SLC9A1: variants seen among roughly 807,000 people sequenced by gnomAD.
SLC9A1 encodes the protein sodium/hydrogen exchanger 1.
SLC9A1 carries 22 observed loss-of-function variants against 67.9 expected under a neutral mutation model. The observed-to-expected ratio is 0.32, with a 90% CI of 0.23 to 0.46. The LOEUF is 0.46. Ranked by LOEUF, SLC9A1 falls within the 20% of genes least tolerant of loss-of-function variation. The pLI is 1.00. For synonymous variants in SLC9A1, 421 were observed against 471.8 expected (o/e 0.89, Z 1.40); for missense variants, 686 against 1,094.8 (o/e 0.63, Z 5.27).
chr1:27,149,764 T>C (rs1423738943), intron 1 of SLC9A1, among the ~76,000 whole-genome samples: 1 of 152,198 alleles, frequency 6.6e-6, no homozygotes, highest in Non-Finnish European at 1.5e-5. Flanking sequence ...ACACAGGTAC[T>C]GAGAGGCAGC....
intron 1 of SLC9A1, among the ~76,000 whole-genome samples, chr1:27,136,555 C>T (rs953197667): frequency 6.6e-6 from 1 of 152,190 alleles, no homozygotes; most frequent in African/African-American, 2.4e-5. Flanking sequence ...ACTCAGCTCC[C>T]CCAGAAGCAC....
intron 1 of SLC9A1, among the ~76,000 whole-genome samples, chr1:27,144,834 C>T (rs2083474820): frequency 6.6e-6 from 1 of 152,032 alleles, no homozygotes; most frequent in Admixed American, 6.6e-5. Flanking sequence ...CATAGCAAAA[C>T]CCCGTCTCTA....
At chr1:27,131,439 CAAA>C (rs35954506) in intron 1 of SLC9A1, among the ~76,000 whole-genome samples, 3 of 27,490 alleles carry the variant, frequency 1.1e-4, no homozygotes, top group Non-Finnish European at 1.2e-4. Context: ...ACTAAAAATA[CAAA>C]AAAAAAAAAA....
chr1:27,147,828 C>T (rs999488348), intron 1 of SLC9A1, among the ~76,000 whole-genome samples: 8 of 151,892 alleles, frequency 5.3e-5, no homozygotes, highest in African/African-American at 1.7e-4. Context: ...AACCCCATCC[C>T]TACTAAAAAT....
rs1443144056 is a variant in SLC9A1, at chr1:27,113,978, T to C, written c.661A>G (p.Asn221Asp). The change falls in exon 2 of 12, where the codon AAC becomes GAC. Residue 221 changes from asparagine to aspartate, a missense_variant. By Grantham distance (23) the Asn-to-Asp change is conservative (BLOSUM62 1). Around this residue, in one of 7 missense-constraint regions of SLC9A1, gnomAD observed 49 missense variants for 73.1 expected, o/e 0.67. Coordinates refer to ENST00000263980, the MANE Select transcript of SLC9A1 (RefSeq NM_003047.5). ...AGCAGGTTGTCCAGGAGGCCGATGT[T>C]GTTGATCTGCTCACCGCCCACCAGG... The part of the protein sequence containing the change: ...VCLVGGEQIN[N>D]IGLLDNLLFG... The C allele has an allele frequency of 6.2e-7, 1 of 1,614,028 alleles. No individual in the cohort carries two copies. Among genetic ancestry groups the C allele is most frequent in the African/African-American group, 1.3e-5 (1 of 74,906 alleles).
In SLC9A1 at chr1:27,100,226, A is replaced by G; in HGVS notation, c.*81T>C. The stretch of plus-strand genomic sequence containing the variant: ...AGGGGCAGGGCCAATCCGGGTCAGG[A>G]AGGGCAAGGGGAGCCCCCAGCAGCC... On this transcript the variant is annotated 3_prime_UTR_variant, in exon 12 of 12. Transcript: ENST00000263980. This position sits in a 1 kb window ranked among gnomAD's most constrained non-coding sequence, Gnocchi z 5.6. 6 of 1,098,366 alleles carry G rather than the reference A, an allele frequency of 5.5e-6. No homozygotes were observed. Among genetic ancestry groups the G allele is most frequent in the Non-Finnish European group, 5.1e-6 (4 of 791,702 alleles). 68.0% of individuals were successfully genotyped at this position (1,098,366 alleles called of 1,614,324 possible).
chr1:27,128,103 C>G (rs373322594), intron 1 of SLC9A1, among the ~76,000 whole-genome samples: 164 of 152,332 alleles, frequency 1.1e-3, no homozygotes, highest in African/African-American at 3.5e-3. Flanking sequence ...CATCTGGGTA[C>G]AGAATAGCAT....
chr1:27,133,072 CT>C (rs869309425), intron 1 of SLC9A1, among the ~76,000 whole-genome samples: 240 of 145,322 alleles, frequency 1.7e-3, no homozygotes, highest in Admixed American at 1.7e-3. Context: ...TTTCCTGATT[CT>C]TTTTTTTTTT....
rs2083143798 is a variant in SLC9A1 at position 27,101,410 on chromosome 1, C to T, written c.2038-135G>A. The T allele has an allele frequency of 2.6e-5, 18 of 700,430 alleles. No homozygotes were observed. The highest frequency in any genetic ancestry group is 1.9e-4 in the South Asian group (11 of 59,022). 43.4% of individuals were successfully genotyped at this position (700,430 alleles called of 1,614,324 possible). ...TCCCCCTCCCTTGTGCCTGTGTGGG[C>T]ACCCGTACTGGCCCCTCAGGAGCTC... On this transcript the variant is annotated intron_variant, in intron 10 of 11. Transcript: ENST00000263980. The surrounding 1 kb of genome is among the most constrained non-coding windows in gnomAD (Gnocchi z 4.9).
chr1:27,100,713 C>A lies in SLC9A1; in HGVS notation c.2111-69G>T. 2.3e-6 allele frequency: 3 copies of A among 1,290,614 alleles called. No individual in the cohort carries two copies. The highest frequency in any genetic ancestry group is 3.2e-6 in the Non-Finnish European group (3 of 926,100). 79.9% of individuals were successfully genotyped at this position (1,290,614 alleles called of 1,614,324 possible). ...CCCGGCCCAGCACGTGCCACTCGGC[C>A]GCGTCAGTGCCTCCTTCAGGCCTTC... On this transcript the variant is annotated intron_variant, in intron 11 of 11. Coordinates refer to ENST00000263980, the MANE Select transcript of SLC9A1 (RefSeq NM_003047.5). The surrounding 1 kb of genome is among the most constrained non-coding windows in gnomAD (Gnocchi z 5.6).
chr1:27,105,727 GC>G, intron 5 of SLC9A1, 157 bp downstream of exon 5: 1 of 725,748 alleles, frequency 1.4e-6, no homozygotes, highest in Non-Finnish European at 2.5e-6. Context: ...AGAAACTGAG[GC>G]CCAGAAAGGG....
rs1317701955 is a variant in SLC9A1, at chr1:27,114,885, G to A, written c.353-599C>T. On this transcript the variant is annotated intron_variant, in intron 1 of 11. Coordinates refer to ENST00000263980, the MANE Select transcript of SLC9A1 (RefSeq NM_003047.5). The surrounding 1 kb of genome is among the most constrained non-coding windows in gnomAD (Gnocchi z 5.4). Reference sequence around the variant, plus strand: ...TGGGAAGGAACTTGGGGATAATAAGGCCTGGGGTCTGCAAACCTGCAAAAC... The same window carrying A: ...TGGGAAGGAACTTGGGGATAATAAGACCTGGGGTCTGCAAACCTGCAAAAC... Among the ~76,000 whole-genome samples the A allele has an allele frequency of 6.6e-6, 1 of 152,146 alleles. No individual in the cohort carries two copies. Among genetic ancestry groups the A allele is most frequent in the Admixed American group, 6.5e-5 (1 of 15,276 alleles).
chr1:27,136,325 C>T (rs902892092), intron 1 of SLC9A1, among the ~76,000 whole-genome samples: 1 of 152,222 alleles, frequency 6.6e-6, no homozygotes, highest in African/African-American at 2.4e-5. Context: ...GAGGACTGCT[C>T]TGTGCCAAGG....
Position 27,099,989 on chromosome 1 carries a change from G to A in SLC9A1, c.*318C>T. The A allele has an allele frequency of 2.9e-6, 1 of 345,666 alleles. No homozygotes were observed. The highest frequency in any genetic ancestry group is 5.2e-6 in the Non-Finnish European group (1 of 190,632). The allele number at this position is 345,666 out of a possible 1,614,324, so 21.4% of individuals were successfully genotyped here. A position where few individuals can be genotyped will look rare whatever the true frequency, so the allele number is the denominator to read the frequency against. On this transcript the variant is annotated 3_prime_UTR_variant, in exon 12 of 12. Transcript: ENST00000263980. ...TAAGATTGGTCTGAATGAGGAGGAGGATGAGGCAGAGGGAGGAGCCTCCGA... is the reference window on the plus strand; with the variant it reads ...TAAGATTGGTCTGAATGAGGAGGAGAATGAGGCAGAGGGAGGAGCCTCCGA...
Position 27,101,886 on chromosome 1 carries a change from TG to T in SLC9A1, c.1936-61del. The T allele has an allele frequency of 7.0e-7, 1 of 1,432,774 alleles. No homozygotes were observed. The allele number at this position is 1,432,774 out of a possible 1,614,324, so 88.8% of individuals were successfully genotyped here. On this transcript the variant is annotated intron_variant, in intron 9 of 11. Coordinates refer to ENST00000263980, the MANE Select transcript of SLC9A1 (RefSeq NM_003047.5). The surrounding 1 kb of genome is among the most constrained non-coding windows in gnomAD (Gnocchi z 4.9). ...CCGGAAGGCTCTGCTCATGGAGGGG[TG>T]GGGGCAGTGCTGGAGGCCGGGCCAG...
chr1:27,103,444 G>A, intron 5 of SLC9A1, 132 bp from the exon 6 acceptor site: 1 of 724,584 alleles, frequency 1.4e-6, no homozygotes, highest in Non-Finnish European at 2.5e-6. Context: ...AGGACCCAAG[G>A]GTGTGAGAAC....
In SLC9A1 at chr1:27,108,643, T is replaced by C. The variant is rs1225005431; in HGVS notation, c.1065-778A>G. Among the ~76,000 whole-genome samples, 3 of 152,068 alleles carry C rather than the reference T, an allele frequency of 2.0e-5. No individual in the cohort carries two copies. In the East Asian group the frequency reaches 5.8e-4, roughly 30 times the overall value. On this transcript the variant is annotated intron_variant, in intron 3 of 11. Coordinates refer to ENST00000263980, the MANE Select transcript of SLC9A1 (RefSeq NM_003047.5). ...GAGATCGTGCCACTGCATTCCAGCC[T>C]GGGTGACAAGAGTGGGACCCCGTCT...
rs1182558881 is a variant in SLC9A1, at chr1:27,114,360, G to A, written c.353-74C>T. On this transcript the variant is annotated intron_variant, in intron 1 of 11. Coordinates refer to ENST00000263980, the MANE Select transcript of SLC9A1 (RefSeq NM_003047.5). The surrounding 1 kb of genome is among the most constrained non-coding windows in gnomAD (Gnocchi z 5.4). ...GAGAATAGAAGGTTGGGGATGGGCC[G>A]GGGATGAGGAGCGCAGTTGGTGAGA... 17 of 1,268,028 alleles carry A rather than the reference G, an allele frequency of 1.3e-5. No individual in the cohort carries two copies. Among genetic ancestry groups the A allele is most frequent in the Non-Finnish European group, 1.8e-5 (16 of 902,436 alleles). 78.5% of individuals were successfully genotyped at this position (1,268,028 alleles called of 1,614,324 possible).
intron 1 of SLC9A1, among the ~76,000 whole-genome samples, chr1:27,151,421 C>T (rs1397019658): frequency 6.6e-6 from 1 of 152,022 alleles, no homozygotes; most frequent in East Asian, 1.9e-4. Flanking sequence ...AGTGCAATGG[C>T]GCAATCTTGG....
Sources: allele counts gnomAD v4.1 joint callset (sites outside exome capture counted in the v4.1 genomes callset), GRCh38; gene constraint gnomAD v4.1.1; regional missense constraint gnomAD v4.1.1; non-coding constraint Gnocchi (gnomAD v3.1); transcripts MANE v1.5; gene names NCBI Gene and HGNC (gene_info 2026-07-23, HGNC 2026-07-21).